Variants in AFG1L observed in about 807,000 individuals in gnomAD.
The protein encoded by AFG1L is AFG1-like ATPase.
In AFG1L, 53 loss-of-function variants were observed where a neutral mutation model predicts 62.2. That is an observed-to-expected ratio of 0.85 (90% CI 0.68 to 1.07). The LOEUF (loss-of-function observed/expected upper bound fraction) is 1.07. Among genes scored for constraint, AFG1L ranks in the 50% least tolerant of loss-of-function variants. AFG1L has a pLI of 0.00. For missense variants in AFG1L, 555 were observed against 590.5 expected (o/e 0.94, Z 0.62); for synonymous variants, 228 against 210.3 (o/e 1.08, Z -0.73).
chr6:108,490,768 C>T (rs1773745319), intron 10 of AFG1L, among the ~76,000 whole-genome samples: 1 of 152,098 alleles, frequency 6.6e-6, no homozygotes, highest in Non-Finnish European at 1.5e-5. Context: ...TTCTTTATGC[C>T]AAATTCCATT....
intron 3 of AFG1L, among the ~76,000 whole-genome samples, chr6:108,349,291 C>T (rs556528390): frequency 6.6e-6 from 1 of 152,088 alleles, no homozygotes; most frequent in African/African-American, 2.4e-5. Flanking sequence ...CAAGACCAGC[C>T]TGGGCAACAT....
At chr6:108,493,692 T>A (rs564430610) in intron 10 of AFG1L, among the ~76,000 whole-genome samples, 4 of 152,356 alleles carry the variant, frequency 2.6e-5, no homozygotes, top group African/African-American at 9.6e-5. Flanking sequence ...AGGTGGTTAG[T>A]ACAACCCATT....
intron 8 of AFG1L, among the ~76,000 whole-genome samples, chr6:108,462,601 C>A (rs1455980150): frequency 6.6e-6 from 1 of 152,108 alleles, no homozygotes; most frequent in East Asian, 1.9e-4. Flanking sequence ...GACTTCAGTA[C>A]CAGGTTCCAC....
At chr6:108,398,913 G>A (rs531901521) in intron 6 of AFG1L, among the ~76,000 whole-genome samples, 3 of 152,104 alleles carry the variant, frequency 2.0e-5, no homozygotes, top group Non-Finnish European at 4.4e-5. Context: ...TTACTCAGGA[G>A]AGCTTTGGCT....
chr6:108,403,402 G>A (rs1347558253), intron 7 of AFG1L, among the ~76,000 whole-genome samples: 4 of 152,082 alleles, frequency 2.6e-5, no homozygotes, highest in Non-Finnish European at 5.9e-5. Context: ...ATTACTGTTC[G>A]TGCCAAACTT....
intron 10 of AFG1L, among the ~76,000 whole-genome samples, chr6:108,499,266 G>A (rs1013441968): frequency 1.3e-5 from 2 of 151,182 alleles, no homozygotes; most frequent in African/African-American, 4.9e-5. Flanking sequence ...ATGAGGTTTT[G>A]CCATGTTACC....
chr6:108,411,084 C>T (rs763828442), intron 7 of AFG1L, among the ~76,000 whole-genome samples: 7 of 152,126 alleles, frequency 4.6e-5, no homozygotes, highest in African/African-American at 1.4e-4. Context: ...GCTTTTCCAA[C>T]GGCCTTAGCA....
chr6:108,415,993 A>T (rs556031867), intron 7 of AFG1L, among the ~76,000 whole-genome samples: 85 of 152,344 alleles, frequency 5.6e-4, no homozygotes, highest in Non-Finnish European at 9.8e-4. Context: ...CAACCTACAG[A>T]ATGGGAGGAA....
chr6:108,357,832 C>T (rs1423348798), intron 5 of AFG1L, among the ~76,000 whole-genome samples: 1 of 152,006 alleles, frequency 6.6e-6, no homozygotes, highest in Non-Finnish European at 1.5e-5. Context: ...TGCTTTTATC[C>T]CAAAGCATGC....
At chr6:108,493,923 G>A (rs1307609579) in intron 10 of AFG1L, among the ~76,000 whole-genome samples, 10 of 152,024 alleles carry the variant, frequency 6.6e-5, no homozygotes, top group Admixed American at 6.6e-4. Flanking sequence ...TGCAACCTCC[G>A]CCCTTCAGGT....
intron 1 of AFG1L, 67 bp downstream of exon 1, chr6:108,295,285 C>T (rs1776721446): frequency 5.3e-6 from 8 of 1,514,446 alleles, no homozygotes; most frequent in Non-Finnish European, 7.0e-6. Context: ...TGGGATTACC[C>T]TCCCTGTCCG....
intron 11 of AFG1L, among the ~76,000 whole-genome samples, chr6:108,512,271 G>A (rs999325015): frequency 1.3e-5 from 2 of 152,198 alleles, no homozygotes; most frequent in Non-Finnish European, 2.9e-5. Context: ...TCTGGGATGG[G>A]CCGAATGTGA....
At chr6:108,452,380 C>T (rs1232139297) in intron 8 of AFG1L, among the ~76,000 whole-genome samples, 1 of 152,136 alleles carries the variant, frequency 6.6e-6, no homozygotes, top group African/African-American at 2.4e-5. Context: ...GTTCACATCA[C>T]CCTGGACTCA....
intron 1 of AFG1L, among the ~76,000 whole-genome samples, chr6:108,300,073 G>T (rs1270446329): frequency 6.6e-6 from 1 of 151,380 alleles, no homozygotes; most frequent in Admixed American, 6.6e-5. Context: ...ATATTTTTAG[G>T]TGCCTCTATT....
chr6:108,338,501 AT>A (rs1269236591), intron 2 of AFG1L, among the ~76,000 whole-genome samples: 16 of 152,016 alleles, frequency 1.1e-4, no homozygotes, highest in African/African-American at 3.9e-4. Flanking sequence ...GTTGTTTTTT[AT>A]TTTTTATTTT....
At chr6:108,465,656 ACTGCTGCTG>A (rs10574143) in intron 8 of AFG1L, among the ~76,000 whole-genome samples, 7 of 150,714 alleles carry the variant, frequency 4.6e-5, no homozygotes, top group Admixed American at 1.3e-4. Context: ...TCATAGAGTC[ACTGCTGCTG>A]CTGCTGCTGC....
intron 6 of AFG1L, among the ~76,000 whole-genome samples, chr6:108,368,059 C>T: frequency 6.6e-6 from 1 of 152,004 alleles, no homozygotes; most frequent in East Asian, 1.9e-4. Context: ...CTCTCTCATT[C>T]TATGTTTGTG....
chr6:108,310,905 C>T (rs2114838383), intron 1 of AFG1L, among the ~76,000 whole-genome samples: 1 of 152,054 alleles, frequency 6.6e-6, no homozygotes, highest in East Asian at 1.9e-4. Context: ...TTCTAGAATT[C>T]TTATTGTAAC....
chr6:108,376,503 G>A (rs1320693595), intron 6 of AFG1L, among the ~76,000 whole-genome samples: 3 of 151,954 alleles, frequency 2.0e-5, no homozygotes, highest in Non-Finnish European at 4.4e-5. Context: ...TTTGATTTCA[G>A]CCTTGATTTT....
Sources: gnomAD v4.1 joint callset for allele counts (sites outside exome capture counted in the v4.1 genomes callset) on GRCh38, gnomAD v4.1.1 for gene constraint, MANE v1.5 for transcripts, NCBI Gene and HGNC (gene_info 2026-07-23, HGNC 2026-07-21) for gene names.